DHRS4L2: variants seen among roughly 807,000 people sequenced by gnomAD.
DHRS4L2 encodes the protein dehydrogenase/reductase SDR family member 4-like 2.
In DHRS4L2, 22 loss-of-function variants were observed where a neutral mutation model predicts 23.9. That is an observed-to-expected ratio of 0.92 (90% confidence interval 0.66 to 1.31). DHRS4L2 has a LOEUF of 1.31. Among genes scored for constraint, DHRS4L2 ranks in the 40% most tolerant of loss-of-function variants. The pLI is 0.00. For missense variants in DHRS4L2, 385 were observed against 303.3 expected, an observed-to-expected ratio of 1.27 and a Z score of -2.00; for synonymous variants, 141 against 123.7, an observed-to-expected ratio of 1.14 and a Z score of -0.93.
In DHRS4L2 at chr14:24,001,087, A is replaced by G; in HGVS notation, c.531+3A>G. Reference sequence around the variant, plus strand: ...TAGCAGCCTTCAGTCCATCTCCTGTAAGAACCCTTTTGTCTACCTCTTCCA... The same window carrying G: ...TAGCAGCCTTCAGTCCATCTCCTGTGAGAACCCTTTTGTCTACCTCTTCCA... On this transcript the variant is annotated splice_donor_region_variant and intron_variant, in intron 5 of 7. Transcript: ENST00000335125. 3 of 1,610,638 alleles carry G rather than the reference A, an allele frequency of 1.9e-6. No individual in the cohort carries two copies. Among genetic ancestry groups the G allele is most frequent in the Non-Finnish European group, 1.7e-6 (2 of 1,179,260 alleles).
intron 3 of DHRS4L2, among the ~76,000 whole-genome samples, chr14:23,996,455 G>A (rs1284765336): frequency 1.3e-5 from 2 of 150,956 alleles, no homozygotes; most frequent in South Asian, 2.1e-4. Context: ...GCAACACAGC[G>A]AGACCTTTTC....
chr14:24,001,643 A>G (rs2034492322), intron 6 of DHRS4L2, 126 bp downstream of exon 6: 2 of 1,405,856 alleles, frequency 1.4e-6, no homozygotes, highest in Admixed American at 2.3e-5. Flanking sequence ...GGACTTTCCC[A>G]TATTCCCTCT....
rs375320851 is a variant in DHRS4L2, at chr14:23,977,251, T to A, written c.-176+6919T>A. Among the ~76,000 whole-genome samples the A allele has an allele frequency of 1.8e-3, 277 of 151,742 alleles. 1 individual carries two copies. The highest frequency in any genetic ancestry group is 6.3e-3 in the African/African-American group (260 of 41,230). On this transcript the variant is annotated intron_variant, in intron 1 of 5. Coordinates refer to the DHRS4L2 transcript ENST00000534993. ...TTCTTTTTTAAGTAAATAATTGGCT[T>A]ACATTTAAAATTTAAATATTTCCTA...
At chr14:23,973,536 T>G (rs1169894375) in intron 1 of DHRS4L2, among the ~76,000 whole-genome samples, 2 of 151,100 alleles carry the variant, frequency 1.3e-5, no homozygotes, top group Non-Finnish European at 3.0e-5. Flanking sequence ...CACTGCCACC[T>G]CTCAAAGGGA....
chr14:23,986,745 G>C (rs144630805), upstream of DHRS4L2, among the ~76,000 whole-genome samples: 255 of 150,868 alleles, frequency 1.7e-3, 2 homozygotes, highest in African/African-American at 5.4e-3. Flanking sequence ...TACCCCCCTG[G>C]AGGCTTGTCC....
At chr14:23,973,577 CA>C (rs200920458) in intron 1 of DHRS4L2, among the ~76,000 whole-genome samples, 1 of 150,706 alleles carries the variant, frequency 6.6e-6, no homozygotes, top group Non-Finnish European at 1.5e-5. Context: ...AAATGGAAAG[CA>C]AAAAAAAGCA....
intron 1 of DHRS4L2, among the ~76,000 whole-genome samples, chr14:23,976,704 C>T (rs1018229661): frequency 7.9e-5 from 12 of 151,740 alleles, no homozygotes; most frequent in Admixed American, 1.3e-4. Flanking sequence ...GGAACCAACC[C>T]AAATGCCCAT....
intron 3 of DHRS4L2, among the ~76,000 whole-genome samples, 187 bp from the exon 4 acceptor site, chr14:24,000,676 T>G (rs1261881255): frequency 1.3e-5 from 2 of 151,904 alleles, no homozygotes; most frequent in African/African-American, 4.8e-5. Context: ...ATTATCTAGC[T>G]GAGCAGCTGG....
At chr14:23,987,205 A>C (rs1470069863), upstream of DHRS4L2, 1 of 356,770 alleles carries the variant, frequency 2.8e-6, no homozygotes, top group Non-Finnish European at 5.6e-6. Flanking sequence ...ATCTTGGCTC[A>C]CTGCAAGCTC....
At chr14:23,977,675 G>A (rs2033992985) in intron 1 of DHRS4L2, among the ~76,000 whole-genome samples, 1 of 151,626 alleles carries the variant, frequency 6.6e-6, no homozygotes, top group South Asian at 2.1e-4. Context: ...AGATGAACTA[G>A]CTTTCTTATT....
chr14:23,975,691 C>A (rs1000865608), intron 1 of DHRS4L2, among the ~76,000 whole-genome samples: 1 of 151,714 alleles, frequency 6.6e-6, no homozygotes, highest in Non-Finnish European at 1.5e-5. Context: ...TACTGCAAGG[C>A]TACAGTAACC....
chr14:24,000,458 A>G (rs867033256), intron 3 of DHRS4L2, among the ~76,000 whole-genome samples: 1,554 of 151,778 alleles, frequency 0.01, 4 homozygotes, highest in African/African-American at 0.034. Context: ...AACCCCACAT[A>G]TCCAAGGTCA....
chr14:23,984,190 C>A (rs772922361), upstream of DHRS4L2, among the ~76,000 whole-genome samples: 1 of 151,458 alleles, frequency 6.6e-6, no homozygotes, highest in African/African-American at 2.4e-5. Flanking sequence ...TAGGAAACTT[C>A]TGGAAAGATA....
At chr14:23,984,871 T>C (rs1428317188), upstream of DHRS4L2, among the ~76,000 whole-genome samples, 1 of 149,614 alleles carries the variant, frequency 6.7e-6, no homozygotes, top group African/African-American at 2.5e-5. Context: ...AAAAGAAGAT[T>C]AACATGGTAA....
upstream of DHRS4L2, chr14:23,988,909 C>G: frequency 1.9e-6 from 3 of 1,606,952 alleles, no homozygotes; most frequent in Non-Finnish European, 2.6e-6. Context: ...CTGTCACCTC[C>G]GCTGGAAGGA....
chr14:23,969,957 C>A, exon 1 of DHRS4L2: 2 of 454,010 alleles, frequency 4.4e-6, no homozygotes, highest in South Asian at 1.6e-5. Flanking sequence ...ACGCAACCGC[C>A]ACTGTCTGGA....
At chr14:23,976,953 G>A (rs3966039) in intron 1 of DHRS4L2, among the ~76,000 whole-genome samples, 5 of 150,666 alleles carry the variant, frequency 3.3e-5, no homozygotes, top group African/African-American at 1.2e-4. Flanking sequence ...AGGGTCTGTT[G>A]GGGGCTGGGG....
upstream of DHRS4L2, chr14:23,988,709 A>T (rs72692114): frequency 0.027 from 33,049 of 1,208,504 alleles, 707 homozygotes; most frequent in Non-Finnish European, 0.032. Flanking sequence ...ACTTGAACGG[A>T]GAGCGCTTTG....
At chr14:23,983,521 C>T (rs140700708) in intron 1 of DHRS4L2, among the ~76,000 whole-genome samples, 2 of 151,714 alleles carry the variant, frequency 1.3e-5, no homozygotes, top group South Asian at 2.1e-4. Context: ...CCCAGCAATC[C>T]CATTACTGGG....
Sources: gnomAD v4.1 joint callset for allele counts (sites outside exome capture counted in the v4.1 genomes callset) on GRCh38, gnomAD v4.1.1 for gene constraint, MANE v1.5 for transcripts, NCBI Gene and HGNC (gene_info 2026-07-23, HGNC 2026-07-21) for gene names.